The following SPDYE4 variants were observed in gnomAD, a reference collection of about 807,000 sequenced individuals.
SPDYE4 encodes the protein speedy/RINGO cell cycle regulator family member E4, also known as speedy protein E4.
SPDYE4 carries 30 observed loss-of-function variants against 37.5 expected under a neutral mutation model. The observed-to-expected ratio is 0.80, with a 90% confidence interval of 0.60 to 1.09. The LOEUF (loss-of-function observed/expected upper bound fraction) is 1.09, where lower values mean the gene tolerates loss of function less well. Among genes scored for constraint, SPDYE4 ranks in the 50% least tolerant of loss-of-function variants. SPDYE4 has a pLI of 0.00. For synonymous variants in SPDYE4, 131 were observed against 120.3 expected (o/e 1.09, Z -0.58); for missense variants, 300 against 307.9 (o/e 0.97, Z 0.19).
chr17:8,753,296 C>T, intron 5 of SPDYE4, 25 bp downstream of exon 5: 2 of 1,567,886 alleles, frequency 1.3e-6, no homozygotes, highest in Admixed American at 3.8e-5. Flanking sequence ...TCCCCACCCC[C>T]ACCTCCTCAT....
Position 8,755,019 on chromosome 17 carries a change from G to T in SPDYE4, c.485+501C>A, listed in dbSNP as rs189542019. Among the ~76,000 whole-genome samples, 6 of 152,332 alleles carry T rather than the reference G, an allele frequency of 3.9e-5. 1 individual carries two copies. Among genetic ancestry groups the T allele is most frequent in the Non-Finnish European group, 4.4e-5 (3 of 68,028 alleles). On this transcript the variant is annotated intron_variant, in intron 4 of 6. Transcript: ENST00000689094. ...AGGTTGTTCAGGTGGGCAGTGAAGG[G>T]GGGGTGGGAGCTGTGCTTTGGAAAG...
rs572484506 is a variant in SPDYE4 at position 8,757,246 on chromosome 17, TG to T, written c.340+15del. The T allele has an allele frequency of 3.5e-3, 5,586 of 1,593,982 alleles. 68 individuals are homozygous for T. Among genetic ancestry groups the T allele is most frequent in the Middle Eastern group, 0.022 (121 of 5,496 alleles). The stretch of plus-strand genomic sequence containing the variant: ...AAAGAACAGGGTTGGAGGTGCTTTT[TG>T]GGGTATCCTCCTACCAAGGAGCCTG... On this transcript the variant is annotated intron_variant, in intron 2 of 6. Transcript: ENST00000689094.
downstream of SPDYE4, among the ~76,000 whole-genome samples, chr17:8,750,526 C>T (rs1226449195): frequency 2.0e-5 from 3 of 152,166 alleles, no homozygotes; most frequent in East Asian, 3.8e-4. Flanking sequence ...CTGACTAACA[C>T]GGTGAAACCC....
Position 8,757,257 on chromosome 17 carries a change from C to T in SPDYE4, c.340+5G>A, listed in dbSNP as rs2086780076. 6.2e-7 allele frequency: 1 copy of T among 1,600,588 alleles called. No individual in the cohort carries two copies. The highest frequency in any genetic ancestry group is 8.5e-7 in the Non-Finnish European group (1 of 1,173,374). ...TTGGAGGTGCTTTTTGGGGTATCCT[C>T]CTACCAAGGAGCCTGTTGAAGGCCT... On this transcript the variant is annotated splice_donor_5th_base_variant and intron_variant, in intron 2 of 6. Transcript: ENST00000689094.
rs2086766229 is a variant in SPDYE4 at position 8,755,683 on chromosome 17, A to G, written c.400-78T>C. On this transcript the variant is annotated intron_variant, in intron 3 of 6. Transcript: ENST00000689094. The stretch of plus-strand genomic sequence containing the variant: ...AGGAAGATGGTGGAGAGAAGGGAAC[A>G]GGGGCTGGGGCGCGGTTGTCTATCA... 12 of 1,534,032 alleles carry G rather than the reference A, an allele frequency of 7.8e-6. No homozygotes were observed. In the South Asian group the frequency reaches 1.1e-4, roughly 14 times the overall value.
downstream of SPDYE4, among the ~76,000 whole-genome samples, chr17:8,748,670 C>A (rs113645028): frequency 1.3e-5 from 2 of 152,228 alleles, no homozygotes; most frequent in Admixed American, 1.3e-4. Context: ...CATCTTTATA[C>A]AGCCATTTCT....
intron 1 of SPDYE4, among the ~76,000 whole-genome samples, chr17:8,757,859 T>G (rs998705979): frequency 6.6e-6 from 1 of 151,572 alleles, no homozygotes; most frequent in Non-Finnish European, 1.5e-5. Context: ...CTTGGTTCAC[T>G]GCAACCTCCG....
Position 8,753,161 on chromosome 17 carries a change from G to A in SPDYE4, c.691C>T (p.Arg231Ter), listed in dbSNP as rs767469202. The A allele has an allele frequency of 1.2e-5, 19 of 1,613,842 alleles. No individual in the cohort carries two copies. Among genetic ancestry groups the A allele is most frequent in the Admixed American group, 5.0e-5 (3 of 59,994 alleles). Reference sequence around the variant, plus strand: ...CTCTAGGAAATGAGGGTGCGATCTCGGGCCCACACCCAGTGCTCTGGGTCA... The same window carrying A: ...CTCTAGGAAATGAGGGTGCGATCTCAGGCCCACACCCAGTGCTCTGGGTCA... ...AYDPEHWVWA[R>*]DRTLIS Residue 231 changes from arginine to a stop codon, truncating the protein, a stop_gained, in exon 6 of 7, where the codon CGA becomes TGA. Coordinates refer to ENST00000689094, the MANE Select transcript of SPDYE4 (RefSeq NM_001394956.1). LOFTEE classifies it high-confidence loss of function.
At position 8,751,321 on chromosome 17, in the gene SPDYE4, A is replaced by G. The variant is rs868512145; in HGVS notation, c.*961T>C. ...TAAAAAATACTTGTATTTCTAAACTAGTTAAATAAATGTAGTAATAATGCC... is the reference window on the plus strand; with the variant it reads ...TAAAAAATACTTGTATTTCTAAACTGGTTAAATAAATGTAGTAATAATGCC... On this transcript the variant is annotated 3_prime_UTR_variant, in exon 7 of 7. Transcript: ENST00000689094. Among the ~76,000 whole-genome samples the G allele has an allele frequency of 6.6e-6, 1 of 152,218 alleles. No homozygotes were observed. The highest frequency in any genetic ancestry group is 2.4e-5 in the African/African-American group (1 of 41,462).
At chr17:8,755,853 G>A (rs2086767953) in intron 3 of SPDYE4, among the ~76,000 whole-genome samples, 1 of 152,114 alleles carries the variant, frequency 6.6e-6, no homozygotes, top group African/African-American at 2.4e-5. Flanking sequence ...GATCACTGGA[G>A]GGAGAGTGTC....
downstream of SPDYE4, among the ~76,000 whole-genome samples, chr17:8,747,930 G>A (rs9911413): frequency 0.035 from 5,255 of 152,310 alleles, 277 homozygotes; most frequent in African/African-American, 0.12. Flanking sequence ...CTGAGTCATG[G>A]CGGGAGGTGA....
In SPDYE4 at chr17:8,751,103, A is replaced by G. The variant is rs1364319173; in HGVS notation, c.*1179T>C. ...AATGCCACCTAGCTATAAATAGAAT[A>G]GATATATTATGTAACTACTCTAGGT... is the stretch of plus-strand genomic sequence containing the variant. On this transcript the variant is annotated 3_prime_UTR_variant, in exon 7 of 7. Coordinates refer to ENST00000689094, the MANE Select transcript of SPDYE4 (RefSeq NM_001394956.1). 6.6e-6 allele frequency among the ~76,000 whole-genome samples: 1 copy of G among 152,238 alleles called. No individual in the cohort carries two copies. Among genetic ancestry groups the G allele is most frequent in the Non-Finnish European group, 1.5e-5 (1 of 68,046 alleles).
At position 8,753,367 on chromosome 17, in the gene SPDYE4, C is replaced by G. The variant is rs750697337; in HGVS notation, c.608G>C (p.Cys203Ser). 35 of 1,583,240 alleles carry G rather than the reference C, an allele frequency of 2.2e-5. No homozygotes were observed. Among genetic ancestry groups the G allele is most frequent in the Admixed American group, 3.7e-5 (2 of 53,658 alleles). The change falls in exon 5 of 7, where the codon TGT (cysteine) becomes TCT (serine). Residue 203 changes from cysteine to serine, a missense_variant. Physicochemically the swap from Cys to Ser is moderately radical, Grantham distance 112. Coordinates refer to ENST00000689094, the MANE Select transcript of SPDYE4 (RefSeq NM_001394956.1). ...AACCCACGTCCTCCAGCGCATGGAA[C>G]AGAGGAGCTGGTATCGAAGCTTATG... is the stretch of plus-strand genomic sequence containing the variant. ...LFHKLRYQLLCSMRWRTWVSP... is the reference protein window; with the variant it reads ...LFHKLRYQLLSSMRWRTWVSP...
Position 8,753,351 on chromosome 17 carries a change from C to T in SPDYE4, c.624G>A (p.Arg208=). The T allele has an allele frequency of 1.3e-6, 2 of 1,579,968 alleles. No homozygotes were observed. The highest frequency in any genetic ancestry group is 8.6e-7 in the Non-Finnish European group (1 of 1,162,542). ...CCATCTCCTCTGGGGAAACCCACGT[C>T]CTCCAGCGCATGGAACAGAGGAGCT... ...RYQLLCSMRW[R]TWVSPEEMEE... is the part of the protein sequence containing the mutation. Residue 208 remains arginine, a synonymous_variant, in exon 5 of 7, where the codon AGG becomes AGA. Transcript: ENST00000689094.
At chr17:8,753,258 T>C (rs2086742242) in intron 5 of SPDYE4, 61 bp from the exon 6 acceptor site, 2 of 1,608,628 alleles carry the variant, frequency 1.2e-6, no homozygotes, top group Non-Finnish European at 8.5e-7. Flanking sequence ...CTCTCTGCCC[T>C]CCTCCAGCCT....
rs2086732054 is a variant in SPDYE4, at chr17:8,752,073, G to C, written c.*209C>G. Among the ~76,000 whole-genome samples the C allele has an allele frequency of 6.6e-6, 1 of 152,126 alleles. No individual in the cohort carries two copies. Among genetic ancestry groups the C allele is most frequent in the African/African-American group, 2.4e-5 (1 of 41,434 alleles). ...ACTGACTCCTAGAAATACCTCCATG[G>C]CTCCTAGGAGGAAAACCTGGTCAAT... On this transcript the variant is annotated 3_prime_UTR_variant, in exon 7 of 7. Coordinates refer to ENST00000689094, the MANE Select transcript of SPDYE4 (RefSeq NM_001394956.1).
At chr17:8,753,298 C>A (rs1389835961) in intron 5 of SPDYE4, 23 bp downstream of exon 5, 2 of 1,568,364 alleles carry the variant, frequency 1.3e-6, no homozygotes, top group African/African-American at 2.7e-5. Flanking sequence ...CCCACCCCCA[C>A]CTCCTCATAT....
At position 8,751,919 on chromosome 17, in the gene SPDYE4, C is replaced by G. The variant is rs1160000900; in HGVS notation, c.*363G>C. Among the ~76,000 whole-genome samples the G allele has an allele frequency of 2.0e-5, 3 of 152,130 alleles. No homozygotes were observed. The highest frequency in any genetic ancestry group is 3.2e-3 in the Middle Eastern group (1 of 316). The stretch of plus-strand genomic sequence containing the variant: ...TTCAAATGCTCTGGACTGTGGCAAC[C>G]AAGTCCATAGGAAACAGGAACTCCA... On this transcript the variant is annotated 3_prime_UTR_variant, in exon 7 of 7. Transcript: ENST00000689094.
chr17:8,750,823 C>A (rs1406987570), downstream of SPDYE4, among the ~76,000 whole-genome samples: 1 of 152,206 alleles, frequency 6.6e-6, no homozygotes, highest in Non-Finnish European at 1.5e-5. Flanking sequence ...AACAAATAAG[C>A]AATCCAGACC....
Sources: gnomAD v4.1 joint callset for allele counts (sites outside exome capture counted in the v4.1 genomes callset) on GRCh38, gnomAD v4.1.1 for gene constraint, MANE v1.5 for transcripts, NCBI Gene and HGNC (gene_info 2026-07-23, HGNC 2026-07-21) for gene names.